PRDM10: variants seen among roughly 807,000 people sequenced by gnomAD.
PRDM10 encodes PR domain zinc finger protein 10.
Under a neutral mutation model 133.1 loss-of-function variants are expected in PRDM10, and 65 were observed. The observed-to-expected ratio is 0.49, with a 90% CI of 0.40 to 0.60. PRDM10 has a LOEUF of 0.60. PRDM10 is among the 20% of genes least tolerant of loss of function. The probability of loss-of-function intolerance (pLI) is 0.00; values close to 1 mark genes in which losing one functional copy is unlikely to be tolerated. For synonymous variants in PRDM10, 582 were observed against 580.4 expected (o/e 1.00, Z -0.04); for missense variants, 1,137 against 1,507.1 (o/e 0.75, Z 4.07).
intron 6 of PRDM10, among the ~76,000 whole-genome samples, chr11:129,944,078 C>T (rs1306103803): frequency 1.3e-5 from 2 of 152,136 alleles, no homozygotes; most frequent in African/African-American, 4.8e-5. Context: ...CGAGGAAAGA[C>T]CCTGTGAGGA....
intron 15 of PRDM10, among the ~76,000 whole-genome samples, chr11:129,916,830 G>C (rs3734070): frequency 0.3 from 46,275 of 151,924 alleles, 7,188 homozygotes; most frequent in Middle Eastern, 0.34. Flanking sequence ...TTAGAGCCTA[G>C]GAATTTGAAA....
chr11:129,977,285 C>CAA (rs1405961365), intron 1 of PRDM10, among the ~76,000 whole-genome samples: 1 of 151,546 alleles, frequency 6.6e-6, no homozygotes, highest in Non-Finnish European at 1.5e-5. Flanking sequence ...CACACACACA[C>CAA]ACACACACAC....
At chr11:129,952,770 C>G (rs1052946565) in intron 4 of PRDM10, among the ~76,000 whole-genome samples, 1 of 151,880 alleles carries the variant, frequency 6.6e-6, no homozygotes, top group Admixed American at 6.6e-5. Context: ...CCTCCTGTCT[C>G]GGGGATCCCA....
intron 7 of PRDM10, among the ~76,000 whole-genome samples, chr11:129,938,691 G>A (rs189153905): frequency 7.2e-5 from 11 of 152,132 alleles, no homozygotes; most frequent in Admixed American, 5.2e-4. Context: ...AAAATATCAC[G>A]TGTATCCCAA....
At position 129,957,768 on chromosome 11, in the gene PRDM10, A is replaced by T; in HGVS notation, c.212T>A (p.Ile71Asn). The change falls in exon 3 of 21, where the codon ATC (isoleucine) becomes AAC (asparagine). Residue 71 changes from isoleucine (I) to asparagine (N), a missense_variant. Physicochemically the swap from Ile to Asn is moderately radical, Grantham distance 149. This residue lies in a region of PRDM10 where 635 missense variants were observed against 835.2 expected (regional missense o/e 0.76). Coordinates refer to ENST00000360871, the MANE Select transcript of PRDM10 (RefSeq NM_199437.2). ...VDGPEHTLVY[I>N]HPVEAAQTLF... is the part of the protein sequence containing the mutation. Reference sequence around the variant, plus strand: ...TGCCTGTGCAGCTTCCACCGGGTGGATGTACACCAGCGTGTGCTCTGGACC... The same window carrying T: ...TGCCTGTGCAGCTTCCACCGGGTGGTTGTACACCAGCGTGTGCTCTGGACC... 1 of 1,613,488 alleles carries T rather than the reference A, an allele frequency of 6.2e-7. No homozygotes were observed. The highest frequency in any genetic ancestry group is 8.5e-7 in the Non-Finnish European group (1 of 1,179,570).
Position 129,931,266 on chromosome 11 carries a change from T to C in PRDM10, c.1288-8A>G. 6.2e-7 allele frequency: 1 copy of C among 1,612,804 alleles called. No individual in the cohort carries two copies. Among genetic ancestry groups the C allele is most frequent in the Non-Finnish European group, 8.5e-7 (1 of 1,179,138 alleles). On this transcript the variant is annotated splice_region_variant and splice_polypyrimidine_tract_variant and intron_variant, in intron 10 of 20. Coordinates refer to ENST00000360871, the MANE Select transcript of PRDM10 (RefSeq NM_199437.2). Reference sequence around the variant, plus strand: ...GGGAAAATGTAGCAAGTCCTGAAATTTGCAATAACCAGGAATAGAGATCAG... The same window carrying C: ...GGGAAAATGTAGCAAGTCCTGAAATCTGCAATAACCAGGAATAGAGATCAG...
chr11:129,956,272 G>C (rs903174707), intron 3 of PRDM10, among the ~76,000 whole-genome samples: 1 of 152,138 alleles, frequency 6.6e-6, no homozygotes, highest in African/African-American at 2.4e-5. Context: ...TTCTTCTAAA[G>C]TTTTTAAAAA....
chr11:129,956,222 C>A (rs1181676246), intron 3 of PRDM10, among the ~76,000 whole-genome samples: 4 of 152,214 alleles, frequency 2.6e-5, no homozygotes, highest in African/African-American at 9.6e-5. Flanking sequence ...CAGGGCACCA[C>A]AGTTAATATC....
At chr11:129,952,469 A>G (rs1231359013) in intron 4 of PRDM10, among the ~76,000 whole-genome samples, 1 of 152,242 alleles carries the variant, frequency 6.6e-6, no homozygotes, top group Non-Finnish European at 1.5e-5. Flanking sequence ...TTTATTATAC[A>G]TGAGGTTTAT....
At chr11:129,916,007 A>G in intron 15 of PRDM10, 147 bp from the exon 16 acceptor site, 1 of 676,874 alleles carries the variant, frequency 1.5e-6, no homozygotes, top group Middle Eastern at 4.2e-4. Context: ...TAACAGATCT[A>G]TTGAAGAGCA....
intron 11 of PRDM10, chr11:129,929,387 T>A: frequency 6.4e-7 from 1 of 1,564,902 alleles, no homozygotes; most frequent in East Asian, 2.3e-5. Context: ...TTCTGTTATG[T>A]GAAACACAGG....
intron 7 of PRDM10, among the ~76,000 whole-genome samples, chr11:129,938,741 C>T (rs1346112205): frequency 6.6e-6 from 1 of 152,154 alleles, no homozygotes; most frequent in Non-Finnish European, 1.5e-5. Context: ...AAAGAACACA[C>T]AATCAGATCT....
intron 2 of PRDM10, 23 bp from the exon 3 acceptor site, chr11:129,957,933 A>T: frequency 6.3e-7 from 1 of 1,595,358 alleles, no homozygotes; most frequent in South Asian, 1.1e-5. Context: ...GGAGACAAAG[A>T]ACAAAATCAG....
chr11:130,002,542 A>G (rs1591719130), intron 1 of PRDM10, among the ~76,000 whole-genome samples, 180 bp downstream of exon 1: 1 of 129,480 alleles, frequency 7.7e-6, no homozygotes, highest in South Asian at 2.7e-4. Flanking sequence ...CCCCCCCACC[A>G]CCACCATCAA....
intron 6 of PRDM10, among the ~76,000 whole-genome samples, chr11:129,943,969 C>A (rs970979001): frequency 2.0e-5 from 3 of 151,870 alleles, no homozygotes; most frequent in Non-Finnish European, 1.5e-5. Context: ...TTCAGCCTGG[C>A]AACAGAGCGA....
intron 1 of PRDM10, among the ~76,000 whole-genome samples, chr11:129,961,447 G>A (rs1024593934): frequency 6.6e-6 from 1 of 152,098 alleles, no homozygotes; most frequent in Non-Finnish European, 1.5e-5. Flanking sequence ...TGGGACTACG[G>A]GCACGAGCAA....
intron 19 of PRDM10, among the ~76,000 whole-genome samples, chr11:129,906,652 A>G (rs1344600174): frequency 2.6e-5 from 4 of 152,174 alleles, no homozygotes; most frequent in Admixed American, 6.5e-5. Flanking sequence ...TTTTTTCTTT[A>G]TAAAAGTTTT....
chr11:129,910,353 C>T, intron 19 of PRDM10, 123 bp downstream of exon 19: 1 of 1,345,080 alleles, frequency 7.4e-7, no homozygotes, highest in South Asian at 1.3e-5. Context: ...GAAGTACATT[C>T]ATAGAGAGTG....
intron 20 of PRDM10, among the ~76,000 whole-genome samples, chr11:129,904,184 A>G (rs1338157367): frequency 6.6e-6 from 1 of 151,796 alleles, no homozygotes. Flanking sequence ...AAGGAGAAAA[A>G]AAATCAGGTT....
Sources: gnomAD v4.1 joint callset for allele counts (sites outside exome capture counted in the v4.1 genomes callset) on GRCh38, gnomAD v4.1.1 for gene constraint, gnomAD v4.1.1 regional missense constraint, MANE v1.5 for transcripts, NCBI Gene and HGNC (gene_info 2026-07-23, HGNC 2026-07-21) for gene names.